CRTAP: variants seen among roughly 807,000 people sequenced by gnomAD.
CRTAP encodes cartilage-associated protein.
A neutral mutation model predicts 42.7 loss-of-function variants in CRTAP; 33 were observed. The observed-to-expected ratio is 0.77, with a 90% CI of 0.59 to 1.03. The LOEUF is 1.03. Among genes scored for constraint, CRTAP ranks in the 50% least tolerant of loss-of-function variants. The pLI is 0.00. For synonymous variants in CRTAP, 243 were observed against 217.7 expected, an observed-to-expected ratio of 1.12 and a Z score of -1.02; for missense variants, 613 against 533.9, an observed-to-expected ratio of 1.15 and a Z score of -1.46.
intron 1 of CRTAP, among the ~76,000 whole-genome samples, chr3:33,116,247 T>C: frequency 6.6e-6 from 1 of 152,234 alleles, no homozygotes. Context: ...TTCTCTTTCA[T>C]CATGGTGGCC....
At chr3:33,114,581 C>G in intron 1 of CRTAP, 33 bp downstream of exon 1, 1 of 1,547,502 alleles carries the variant, frequency 6.5e-7, no homozygotes, top group South Asian at 1.2e-5. Flanking sequence ...CAGGCCCCGG[C>G]CCCGCCCCTG....
intron 6 of CRTAP, among the ~76,000 whole-genome samples, chr3:33,137,862 G>T (rs1575520112): frequency 6.6e-6 from 1 of 152,124 alleles, no homozygotes; most frequent in East Asian, 1.9e-4. Flanking sequence ...ACCCATTTGA[G>T]TTAATTTTAT....
intron 1 of CRTAP, among the ~76,000 whole-genome samples, chr3:33,119,689 T>C (rs1218000439): frequency 6.6e-6 from 1 of 152,176 alleles, no homozygotes; most frequent in Non-Finnish European, 1.5e-5. Flanking sequence ...GGAAAAGATA[T>C]GGTGCAGTCA....
intron 6 of CRTAP, among the ~76,000 whole-genome samples, chr3:33,140,614 C>T (rs536603369): frequency 2.0e-5 from 3 of 152,292 alleles, no homozygotes; most frequent in African/African-American, 7.2e-5. Context: ...TGTATAAGCA[C>T]TCCTGAAAGT....
chr3:33,142,922 G>A lies in CRTAP; in HGVS notation c.*474G>A. On this transcript the variant is annotated 3_prime_UTR_variant, in exon 7 of 7. Transcript: ENST00000320954. ...ATCTGCCTTGGCCTCCCACAGTGCT[G>A]GGATTACAGGCGTGAGCCACCATGC... 5.5e-6 allele frequency: 1 copy of A among 182,750 alleles called. No homozygotes were observed. The highest frequency in any genetic ancestry group is 1.2e-5 in the Non-Finnish European group (1 of 85,410). The allele number at this position is 182,750 out of a possible 1,614,324, so 11.3% of individuals were successfully genotyped here.
At chr3:33,140,412 A>G (rs1258720868) in intron 6 of CRTAP, among the ~76,000 whole-genome samples, 1 of 152,220 alleles carries the variant, frequency 6.6e-6, no homozygotes, top group Non-Finnish European at 1.5e-5. Context: ...TAAAGAATGA[A>G]CCATTTTCTT....
chr3:33,115,487 G>A (rs1701332394), intron 1 of CRTAP: 1 of 151,832 alleles, frequency 6.6e-6, no homozygotes, highest in Admixed American at 6.6e-5. Flanking sequence ...TATCCTATGG[G>A]TTCTCACTCC....
At chr3:33,121,156 C>T (rs1008828998) in intron 2 of CRTAP, among the ~76,000 whole-genome samples, 1 of 152,154 alleles carries the variant, frequency 6.6e-6, no homozygotes, top group Non-Finnish European at 1.5e-5. Flanking sequence ...TGCCTGTAAT[C>T]CCAGCACTTT....
Position 33,134,196 on chromosome 3 carries a change from C to T in CRTAP, c.1083C>T (p.Phe361=), listed in dbSNP as rs114077453. ...TGTCTGAACAGGAAGCAGTTCAGTT[C>T]TTTAATGTGACCACACTCCAGAAGG... The part of the protein sequence containing the change: ...HFQPRPEAVQ[F]FNVTTLQKEL... Residue 361 remains phenylalanine (F), a synonymous_variant, in exon 6 of 7, where the codon TTC becomes TTT. Transcript: ENST00000320954. 6.2e-7 allele frequency: 1 copy of T among 1,612,690 alleles called. No individual in the cohort carries two copies. The highest frequency in any genetic ancestry group is 2.2e-5 in the East Asian group (1 of 44,872).
intron 5 of CRTAP, among the ~76,000 whole-genome samples, chr3:33,133,370 T>C (rs1441136989): frequency 1.3e-5 from 2 of 151,824 alleles, no homozygotes. Context: ...GCGATTCTCT[T>C]GCCTTAGCCT....
At position 33,146,706 on chromosome 3, in the gene CRTAP, T is replaced by A. The variant is rs2030733480; in HGVS notation, c.*4258T>A. ...TTTCAGGAGTTCTTATTAGGGGAAT[T>A]TTAAGAGCACAAAAATTTTATTGAA... On this transcript the variant is annotated 3_prime_UTR_variant, in exon 7 of 7. Coordinates refer to ENST00000320954, the MANE Select transcript of CRTAP (RefSeq NM_006371.5). 1 of 152,140 alleles carries A rather than the reference T, an allele frequency of 6.6e-6. No homozygotes were observed. Among genetic ancestry groups the A allele is most frequent in the South Asian group, 2.1e-4 (1 of 4,824 alleles). 9.4% of individuals were successfully genotyped at this position (152,140 alleles called of 1,614,324 possible).
chr3:33,123,625 GTTTT>G (rs141876885), intron 2 of CRTAP, among the ~76,000 whole-genome samples: 249 of 106,294 alleles, frequency 2.3e-3, no homozygotes, highest in East Asian at 0.017. Context: ...CCCAGTCTCG[GTTTT>G]TTTTTTTTTT....
chr3:33,137,118 G>A (rs532437699), intron 6 of CRTAP, among the ~76,000 whole-genome samples: 3 of 151,738 alleles, frequency 2.0e-5, no homozygotes, highest in Non-Finnish European at 4.4e-5. Context: ...ATTTCATTGT[G>A]GTTCTGACTT....
At chr3:33,117,015 G>C (rs2125597197) in intron 1 of CRTAP, among the ~76,000 whole-genome samples, 1 of 152,300 alleles carries the variant, frequency 6.6e-6, no homozygotes, top group East Asian at 1.9e-4. Context: ...GCTGAGGCTG[G>C]AGGATCACTT....
Position 33,121,602 on chromosome 3 carries a change from C to T in CRTAP, c.621+1109C>T, listed in dbSNP as rs546563207. Among the ~76,000 whole-genome samples, 13 of 152,206 alleles carry T rather than the reference C, an allele frequency of 8.5e-5. No homozygotes were observed. The East Asian group carries it at 2.3e-3, about 27-fold the overall frequency. ...GTTTTCCAGGGAAGACTTCACCAGC[C>T]TTCTGCAGGGCTGGTGGGGTGCGCA... On this transcript the variant is annotated intron_variant, in intron 2 of 6. Coordinates refer to ENST00000320954, the MANE Select transcript of CRTAP (RefSeq NM_006371.5).
intron 6 of CRTAP, among the ~76,000 whole-genome samples, chr3:33,139,207 G>A (rs1166377922): frequency 6.6e-6 from 1 of 152,084 alleles, no homozygotes; most frequent in Non-Finnish European, 1.5e-5. Context: ...GGAGGCTAAA[G>A]TGGGAGGATT....
intron 6 of CRTAP, 121 bp downstream of exon 6, chr3:33,134,386 G>C: frequency 1.3e-6 from 1 of 740,814 alleles, no homozygotes; most frequent in East Asian, 2.7e-5. Flanking sequence ...CCTTGAGAAA[G>C]ACAGTTCCTG....
At position 33,146,050 on chromosome 3, in the gene CRTAP, G is replaced by T; in HGVS notation, c.*3602G>T. 6.6e-6 allele frequency: 1 copy of T among 152,088 alleles called. No homozygotes were observed. Among genetic ancestry groups the T allele is most frequent in the African/African-American group, 2.4e-5 (1 of 41,482 alleles). The allele number at this position is 152,088 out of a possible 1,614,324, so 9.4% of individuals were successfully genotyped here. On this transcript the variant is annotated 3_prime_UTR_variant, in exon 7 of 7. Coordinates refer to ENST00000320954, the MANE Select transcript of CRTAP (RefSeq NM_006371.5). ...CCTTAAAAAAAAAAAACAAAAACTG[G>T]GCTGGGTCTTCCAAACCTACCATGA...
chr3:33,130,243 A>G (rs1363916613), intron 4 of CRTAP, among the ~76,000 whole-genome samples, 176 bp downstream of exon 4: 1 of 152,224 alleles, frequency 6.6e-6, no homozygotes, highest in Non-Finnish European at 1.5e-5. Flanking sequence ...CAGAGCCTGT[A>G]ACCACAGTGC....
Sources: allele counts gnomAD v4.1 joint callset (sites outside exome capture counted in the v4.1 genomes callset), GRCh38; gene constraint gnomAD v4.1.1; transcripts MANE v1.5; gene names NCBI Gene and HGNC (gene_info 2026-07-23, HGNC 2026-07-21).